Variants in ZFYVE9 observed in about 807,000 individuals in gnomAD.
The protein encoded by ZFYVE9 is zinc finger FYVE domain-containing protein 9.
Under a neutral mutation model 126.7 loss-of-function variants are expected in ZFYVE9, and 43 were observed. The observed-to-expected ratio is 0.34, with a 90% CI of 0.27 to 0.44. ZFYVE9 has a LOEUF of 0.44. ZFYVE9 is among the 20% of genes least tolerant of loss of function. ZFYVE9 has a pLI of 1.00. For missense variants in ZFYVE9, 1,476 were observed against 1,697.0 expected, an observed-to-expected ratio of 0.87 and a Z score of 2.29; for synonymous variants, 521 against 597.4, an observed-to-expected ratio of 0.87 and a Z score of 1.87.
chr1:52,239,348 C>A lies in ZFYVE9; in HGVS notation c.1931C>A (p.Thr644Lys). The change falls in exon 4 of 19, where the codon ACA (threonine) becomes AAA (lysine). Residue 644 changes from threonine (T) to lysine (K), a missense_variant. Physicochemically the swap from Thr to Lys is moderately conservative, Grantham distance 78 (BLOSUM62 -1). This residue lies in a region of ZFYVE9 where 807 missense variants were observed against 794.6 expected (regional missense o/e 1.02). Coordinates refer to ENST00000287727, the MANE Select transcript of ZFYVE9 (RefSeq NM_004799.4). ...PSLGNISNVDTNGEHLESYEA... is the reference protein window; with the variant it reads ...PSLGNISNVDKNGEHLESYEA... ...TTGGGAAACATCTCTAATGTCGATA[C>A]AAATGGGGAACATTTAGAAAGTTAT... 6.2e-7 allele frequency: 1 copy of A among 1,614,182 alleles called. No homozygotes were observed. The highest frequency in any genetic ancestry group is 1.7e-5 in the Admixed American group (1 of 60,020).
At chr1:52,164,077 C>T (rs1000348331) in intron 1 of ZFYVE9, among the ~76,000 whole-genome samples, 2 of 151,866 alleles carry the variant, frequency 1.3e-5, no homozygotes, top group Admixed American at 1.3e-4. Context: ...TTGGTCTCCC[C>T]AGTAGCTGGG....
Position 52,238,309 on chromosome 1 carries a change from A to G in ZFYVE9, c.892A>G (p.Ser298Gly). Residue 298 changes from serine (S) to glycine (G), a missense_variant, in exon 4 of 19, where the codon AGC becomes GGC. By Grantham distance (56) the Ser-to-Gly change is moderately conservative. This residue lies in a region of ZFYVE9 where 807 missense variants were observed against 794.6 expected (regional missense o/e 1.02). Coordinates refer to ENST00000287727, the MANE Select transcript of ZFYVE9 (RefSeq NM_004799.4). ...IPDEDLTGKI[S>G]SPRTDLGSPN... ...AGATGAGGACCTCACTGGCAAAATC[A>G]GCTCTCCTAGGACAGATCTAGGGAG... 7 of 1,613,818 alleles carry G rather than the reference A, an allele frequency of 4.3e-6. No individual in the cohort carries two copies. Among genetic ancestry groups the G allele is most frequent in the Non-Finnish European group, 5.9e-6 (7 of 1,179,962 alleles).
chr1:52,342,027 G>A (rs544374377), intron 17 of ZFYVE9, among the ~76,000 whole-genome samples: 78 of 152,276 alleles, frequency 5.1e-4, no homozygotes, highest in African/African-American at 1.7e-3. Flanking sequence ...GGCTCAAACA[G>A]GTCATGTGAC....
At chr1:52,241,045 C>A (rs1321070726) in intron 4 of ZFYVE9, among the ~76,000 whole-genome samples, 5 of 152,098 alleles carry the variant, frequency 3.3e-5, no homozygotes, top group African/African-American at 7.2e-5. Flanking sequence ...GGGATTCTTG[C>A]AAAATGAGTA....
intron 17 of ZFYVE9, 149 bp downstream of exon 17, chr1:52,340,380 A>G (rs1274661540): frequency 9.4e-6 from 6 of 638,278 alleles, no homozygotes; most frequent in Non-Finnish European, 1.4e-5. Context: ...CCTATCTGAA[A>G]TCACCAGGAA....
At chr1:52,306,880 G>A (rs1646090016) in intron 13 of ZFYVE9, among the ~76,000 whole-genome samples, 2 of 152,206 alleles carry the variant, frequency 1.3e-5, no homozygotes, top group East Asian at 3.9e-4. Context: ...TGCAGTGGCC[G>A]GAACCCACGC....
intron 1 of ZFYVE9, among the ~76,000 whole-genome samples, chr1:52,143,138 C>T (rs2124483353): frequency 6.6e-6 from 1 of 152,302 alleles, no homozygotes; most frequent in Admixed American, 6.5e-5. Context: ...CTGCCCCCCA[C>T]ACCCCGCCAG....
chr1:52,314,884 G>A (rs1044010901), intron 13 of ZFYVE9, among the ~76,000 whole-genome samples: 3 of 152,022 alleles, frequency 2.0e-5, no homozygotes, highest in Admixed American at 1.3e-4. Context: ...TCAGGAGGCC[G>A]AGGCACGAGA....
chr1:52,333,009 T>C (rs1435388736), intron 14 of ZFYVE9, 91 bp downstream of exon 14: 42 of 1,492,836 alleles, frequency 2.8e-5, no homozygotes, highest in Non-Finnish European at 3.7e-5. Flanking sequence ...ACTCACTTTC[T>C]AGATAGGTGA....
At chr1:52,225,430 A>C (rs1289291582) in intron 2 of ZFYVE9, among the ~76,000 whole-genome samples, 1 of 152,230 alleles carries the variant, frequency 6.6e-6, no homozygotes, top group Non-Finnish European at 1.5e-5. Flanking sequence ...TTTTCTCAGC[A>C]AGGAACTTTA....
chr1:52,180,074 T>G, intron 1 of ZFYVE9: 1 of 858,024 alleles, frequency 1.2e-6, no homozygotes. Context: ...AGAGACTGGC[T>G]GAGTGGAAAG....
rs537766417 is a variant in ZFYVE9 at position 52,296,011 on chromosome 1, T to C, written c.3333+34T>C. On this transcript the variant is annotated intron_variant, in intron 12 of 18. Transcript: ENST00000287727. The stretch of plus-strand genomic sequence containing the variant: ...GGAATTTTTTTTCCTTTGTCCTTAC[T>C]GGAGTTTATATGGGAGAAGGAAGAA... The C allele has an allele frequency of 9.3e-5, 148 of 1,585,740 alleles. 1 individual carries two copies. In the South Asian group the frequency reaches 1.2e-3, roughly 12 times the overall value.
chr1:52,163,530 T>A (rs927841367), intron 1 of ZFYVE9, among the ~76,000 whole-genome samples: 1 of 152,222 alleles, frequency 6.6e-6, no homozygotes, highest in African/African-American at 2.4e-5. Context: ...TTAGTTTAGG[T>A]CTGTTAGAGA....
intron 1 of ZFYVE9, among the ~76,000 whole-genome samples, chr1:52,182,319 T>TG (rs1345508950): frequency 1.3e-5 from 2 of 151,686 alleles, no homozygotes; most frequent in African/African-American, 4.8e-5. Flanking sequence ...GGGGGAAAGG[T>TG]GGGGAAAAGA....
At chr1:52,200,232 G>T (rs1644911128) in intron 1 of ZFYVE9, among the ~76,000 whole-genome samples, 1 of 152,002 alleles carries the variant, frequency 6.6e-6, no homozygotes, top group South Asian at 2.1e-4. Context: ...AGGCTGGAGT[G>T]CAGTGGTGCA....
intron 16 of ZFYVE9, 87 bp downstream of exon 16, chr1:52,338,021 G>GTTT: frequency 7.0e-7 from 1 of 1,434,958 alleles, no homozygotes; most frequent in Non-Finnish European, 9.3e-7. Flanking sequence ...GTGTTTTATA[G>GTTT]TTTTACTGAA....
intron 15 of ZFYVE9, among the ~76,000 whole-genome samples, chr1:52,335,535 T>C (rs1324154112): frequency 6.6e-6 from 1 of 152,278 alleles, no homozygotes; most frequent in African/African-American, 2.4e-5. Flanking sequence ...CTTGATACCA[T>C]TGGGATAGCT....
chr1:52,150,700 G>A (rs1328628922), intron 1 of ZFYVE9, among the ~76,000 whole-genome samples: 4 of 151,522 alleles, frequency 2.6e-5, no homozygotes, highest in African/African-American at 7.3e-5. Flanking sequence ...CTGGGAACCC[G>A]GAGGGGAGGT....
intron 17 of ZFYVE9, among the ~76,000 whole-genome samples, chr1:52,341,360 C>T (rs185640294): frequency 1.3e-5 from 2 of 152,286 alleles, no homozygotes; most frequent in African/African-American, 4.8e-5. Context: ...TTAATTTGCT[C>T]CTTAACTTGA....
Sources: gnomAD v4.1 joint callset for allele counts (sites outside exome capture counted in the v4.1 genomes callset) on GRCh38, gnomAD v4.1.1 for gene constraint, gnomAD v4.1.1 regional missense constraint, MANE v1.5 for transcripts, NCBI Gene and HGNC (gene_info 2026-07-23, HGNC 2026-07-21) for gene names.